Variants in LSAMP observed in about 807,000 individuals in gnomAD.
LSAMP encodes limbic system associated membrane protein.
A neutral mutation model predicts 38.6 loss-of-function variants in LSAMP; 7 were observed. The observed-to-expected ratio is 0.18, with a 90% CI of 0.10 to 0.34. The LOEUF is 0.34. Among genes scored for constraint, LSAMP ranks in the 10% least tolerant of loss-of-function variants. The probability of loss-of-function intolerance (pLI) is 1.00; values close to 1 mark genes in which losing one functional copy is unlikely to be tolerated. For synonymous variants in LSAMP, 154 were observed against 166.8 expected (o/e 0.92, Z 0.59); for missense variants, 313 against 420.0 (o/e 0.75, Z 2.23).
intron 1 of LSAMP, among the ~76,000 whole-genome samples, chr3:116,406,433 G>C (rs2048898433): frequency 6.6e-6 from 1 of 152,000 alleles, no homozygotes; most frequent in Non-Finnish European, 1.5e-5. Flanking sequence ...CAGGAGGCAT[G>C]ATATAATTAT....
chr3:116,253,598 C>T (rs1038810790), intron 1 of LSAMP, among the ~76,000 whole-genome samples: 13 of 152,148 alleles, frequency 8.5e-5, no homozygotes, highest in East Asian at 1.9e-4. Context: ...CACTCGTTCA[C>T]GTAGCTGGAG....
At chr3:115,907,557 T>C (rs1937037897) in intron 3 of LSAMP, among the ~76,000 whole-genome samples, 3 of 152,136 alleles carry the variant, frequency 2.0e-5, no homozygotes, top group African/African-American at 7.2e-5. Flanking sequence ...TATTTTGTTA[T>C]AGTACCCTAC....
At chr3:116,161,383 T>C (rs1249735594) in intron 1 of LSAMP, among the ~76,000 whole-genome samples, 1 of 152,168 alleles carries the variant, frequency 6.6e-6, no homozygotes, top group Non-Finnish European at 1.5e-5. Flanking sequence ...AAATAGCGAG[T>C]AATATTATAG....
chr3:115,844,805 CATCTCTACTAAA>C (rs553954926), intron 4 of LSAMP, among the ~76,000 whole-genome samples: 1 of 152,192 alleles, frequency 6.6e-6, no homozygotes, highest in Non-Finnish European at 1.5e-5. Context: ...AGCAAAACCC[CATCTCTACTAAA>C]ATACAAAAAA....
chr3:115,847,555 C>T (rs1003232265), intron 4 of LSAMP, among the ~76,000 whole-genome samples: 1 of 152,130 alleles, frequency 6.6e-6, no homozygotes, highest in Non-Finnish European at 1.5e-5. Flanking sequence ...CCATAATCCC[C>T]ACGTGTCAAA....
chr3:116,380,452 G>A (rs1261096054), intron 1 of LSAMP, among the ~76,000 whole-genome samples: 1 of 151,482 alleles, frequency 6.6e-6, no homozygotes, highest in Non-Finnish European at 1.5e-5. Context: ...TATTTTTGTT[G>A]TTAATTTGAT....
At chr3:115,933,810 C>T (rs554416013) in intron 3 of LSAMP, among the ~76,000 whole-genome samples, 2 of 152,182 alleles carry the variant, frequency 1.3e-5, no homozygotes, top group Non-Finnish European at 2.9e-5. Flanking sequence ...GTCAAAGCTG[C>T]AGTGCCCTCC....
intron 1 of LSAMP, among the ~76,000 whole-genome samples, chr3:116,131,565 TAG>T (rs968446235): frequency 1.3e-5 from 2 of 152,150 alleles, no homozygotes; most frequent in East Asian, 1.9e-4. Context: ...TGACCATGTA[TAG>T]AGAGTCTACC....
intron 1 of LSAMP, among the ~76,000 whole-genome samples, chr3:116,246,680 G>A (rs534374942): frequency 1.9e-4 from 29 of 152,214 alleles, no homozygotes; most frequent in African/African-American, 3.1e-4. Flanking sequence ...CAAGCACCTC[G>A]GGGCAAGAAG....
intron 2 of LSAMP, among the ~76,000 whole-genome samples, chr3:116,076,953 A>G (rs1707756952): frequency 6.6e-6 from 1 of 152,038 alleles, no homozygotes; most frequent in African/African-American, 2.4e-5. Context: ...TTATAACTAT[A>G]TATAGAAACT....
chr3:116,119,842 G>A (rs1329678161), intron 1 of LSAMP, among the ~76,000 whole-genome samples: 2 of 151,916 alleles, frequency 1.3e-5, no homozygotes, highest in African/African-American at 2.4e-5. Flanking sequence ...TGTATTTTTA[G>A]TAGAGATGGG....
rs1933768923 is a variant in LSAMP at position 115,810,125 on chromosome 3, T to C, written c.*192A>G. The C allele has an allele frequency of 1.8e-6, 1 of 556,036 alleles. No individual in the cohort carries two copies. Among genetic ancestry groups the C allele is most frequent in the African/African-American group, 1.9e-5 (1 of 52,876 alleles). 34.4% of individuals were successfully genotyped at this position (556,036 alleles called of 1,614,324 possible). On this transcript the variant is annotated 3_prime_UTR_variant, in exon 7 of 7. Coordinates refer to ENST00000490035, the MANE Select transcript of LSAMP (RefSeq NM_002338.5). The stretch of plus-strand genomic sequence containing the variant: ...GATACATAAATTTTTAATGATGGAC[T>C]GTAAAATTGTTTTAAATGTTGTATT...
At chr3:116,248,436 A>C (rs2046630668) in intron 1 of LSAMP, among the ~76,000 whole-genome samples, 1 of 149,844 alleles carries the variant, frequency 6.7e-6, no homozygotes, top group African/African-American at 2.5e-5. Flanking sequence ...CAAGAGTTTG[A>C]ATCTGTCTAG....
At chr3:116,131,831 TC>T (rs1709141441) in intron 1 of LSAMP, among the ~76,000 whole-genome samples, 2 of 149,892 alleles carry the variant, frequency 1.3e-5, no homozygotes, top group African/African-American at 5.0e-5. Context: ...CTTTTCTTTT[TC>T]TTTTTTTTTT....
intron 1 of LSAMP, among the ~76,000 whole-genome samples, chr3:116,276,673 A>AT (rs1491153339): frequency 1.6e-5 from 2 of 128,576 alleles, no homozygotes; most frequent in Non-Finnish European, 3.3e-5. Context: ...CTATGGAAAA[A>AT]TAAAAAAAAA....
At position 115,867,115 on chromosome 3, in the gene LSAMP, A is replaced by T. The variant is rs1357459649; in HGVS notation, c.515-14498T>A. ...ATTGAGTAGCAAACACTGAGACAGA[A>T]AATCATTCTCACTAACATATAAGTC... On this transcript the variant is annotated intron_variant, in intron 3 of 6. Transcript: ENST00000490035. Among the ~76,000 whole-genome samples, 3 of 152,002 alleles carry T rather than the reference A, an allele frequency of 2.0e-5. No individual in the cohort carries two copies. The East Asian group carries it at 5.8e-4, about 29-fold the overall frequency.
chr3:115,882,459 G>A (rs937708069), intron 3 of LSAMP, among the ~76,000 whole-genome samples: 3 of 152,146 alleles, frequency 2.0e-5, no homozygotes, highest in Non-Finnish European at 2.9e-5. Flanking sequence ...TGAATAATAA[G>A]TGGTTTTCTT....
intron 3 of LSAMP, among the ~76,000 whole-genome samples, chr3:115,890,466 T>G (rs1936570663): frequency 6.6e-6 from 1 of 151,890 alleles, no homozygotes; most frequent in Non-Finnish European, 1.5e-5. Context: ...ACAGACCACA[T>G]TACTAGTTTG....
chr3:115,923,069 C>T (rs970693441), intron 3 of LSAMP, among the ~76,000 whole-genome samples: 37 of 152,266 alleles, frequency 2.4e-4, no homozygotes, highest in African/African-American at 7.7e-4. Context: ...AAAAGAGAAG[C>T]CTCAAATTGT....
Sources: gnomAD v4.1 joint callset for allele counts (sites outside exome capture counted in the v4.1 genomes callset) on GRCh38, gnomAD v4.1.1 for gene constraint, MANE v1.5 for transcripts, NCBI Gene and HGNC (gene_info 2026-07-23, HGNC 2026-07-21) for gene names.